The following ESRP2 variants were observed in gnomAD, a reference collection of about 807,000 sequenced individuals.
ESRP2 encodes the protein RNA binding motif protein 35A.
ESRP2 carries 48 observed loss-of-function variants against 78.6 expected under a neutral mutation model. The ratio of observed to expected loss-of-function variants is 0.61; its 90% confidence interval spans 0.48 to 0.78. The LOEUF is 0.78. ESRP2 is among the 30% of genes least tolerant of loss of function. The pLI is 0.00. For synonymous variants in ESRP2, 383 were observed against 406.7 expected (o/e 0.94, Z 0.70); for missense variants, 863 against 965.9 (o/e 0.89, Z 1.41).
At position 68,236,088 on chromosome 16, in the gene ESRP2, C is replaced by G. The variant is rs1183630643; in HGVS notation, c.-43G>C. 2 of 1,389,406 alleles carry G rather than the reference C, an allele frequency of 1.4e-6. No homozygotes were observed. Among genetic ancestry groups the G allele is most frequent in the East Asian group, 5.9e-5 (2 of 34,164 alleles). 86.1% of individuals were successfully genotyped at this position (1,389,406 alleles called of 1,614,324 possible). A position where few individuals can be genotyped will look rare whatever the true frequency, so the allele number is the denominator to read the frequency against. On this transcript the variant is annotated 5_prime_UTR_variant, in exon 1 of 15. Transcript: ENST00000473183. The surrounding 1 kb of genome is among the most constrained non-coding windows in gnomAD (Gnocchi z 5.2). The stretch of plus-strand genomic sequence containing the variant: ...GCTCTCGGCCAGACACGCGGACCGA[C>G]GAGGCGCACGCACGCACCGACCGAC...
Position 68,235,418 on chromosome 16 carries a change from T to G in ESRP2, c.327+216A>C, listed in dbSNP as rs1443672772. ...GATCCCTTCGGTAGGAGTAGGTTCC[T>G]GCAATGGTTGAAAAGTAAGGAGCCC... is the stretch of plus-strand genomic sequence containing the variant. On this transcript the variant is annotated intron_variant, in intron 2 of 14. Coordinates refer to ENST00000473183, the MANE Select transcript of ESRP2 (RefSeq NM_024939.3). This position sits in a 1 kb window ranked among gnomAD's most constrained non-coding sequence, Gnocchi z 5.5. 1.0e-6 allele frequency: 1 copy of G among 985,314 alleles called. No homozygotes were observed. The highest frequency in any genetic ancestry group is 1.2e-6 in the Non-Finnish European group (1 of 829,940). The allele number at this position is 985,314 out of a possible 1,614,324, so 61.0% of individuals were successfully genotyped here.
chr16:68,233,237 C>T (rs1379221227), intron 5 of ESRP2, 90 bp downstream of exon 5: 2 of 876,904 alleles, frequency 2.3e-6, no homozygotes, highest in African/African-American at 1.7e-5. Flanking sequence ...AGGATTCCCC[C>T]GTGGTCTCTT....
Position 68,231,676 on chromosome 16 carries a change from A to G in ESRP2, c.1318T>C (p.Ser440Pro). The G allele has an allele frequency of 6.2e-7, 1 of 1,609,904 alleles. No individual in the cohort carries two copies. Among genetic ancestry groups the G allele is most frequent in the East Asian group, 2.2e-5 (1 of 44,804 alleles). Residue 440 changes from serine (S) to proline (P), a missense_variant, in exon 11 of 15, where the codon TCC becomes CCC. Transcript: ENST00000473183. This position sits in a 1 kb window ranked among gnomAD's most constrained non-coding sequence, Gnocchi z 6.0. ...EVQQVLNRYA[S>P]GPLLPTLTAP... ...GTCAGTGTAGGAAGGAGTGGGCCGG[A>G]TGCATAGCGGTTCAAGACCTAGTAA... is the stretch of plus-strand genomic sequence containing the variant.
chr16:68,232,041 C>A lies in ESRP2; in HGVS notation c.1060G>T (p.Gly354Ter). 1 of 1,614,038 alleles carries A rather than the reference C, an allele frequency of 6.2e-7. No homozygotes were observed. Residue 354 changes from glycine (G) to a stop codon, truncating the protein, a stop_gained, in exon 10 of 15, where the codon GGA becomes TGA. Transcript: ENST00000473183. LOFTEE classifies it high-confidence loss of function. The surrounding 1 kb of genome is among the most constrained non-coding windows in gnomAD (Gnocchi z 5.2). ...REDQVILRLR[G>*]LPFSAGPTDV... ...GTTGGCCCAGCCGAGAAGGGCAGTCCCCGCAGCCGCAGGATCACTTGGTCT... is the reference window on the plus strand; with the variant it reads ...GTTGGCCCAGCCGAGAAGGGCAGTCACCGCAGCCGCAGGATCACTTGGTCT...
chr16:68,233,597 AC>A lies in ESRP2; in HGVS notation c.556+170del, dbSNP rs2042177869. The A allele has an allele frequency of 5.5e-6, 4 of 722,384 alleles. No individual in the cohort carries two copies. In the South Asian group the frequency reaches 6.6e-5, roughly 12 times the overall value. 44.7% of individuals were successfully genotyped at this position (722,384 alleles called of 1,614,324 possible). On this transcript the variant is annotated intron_variant, in intron 4 of 14. Transcript: ENST00000473183. Reference sequence around the variant, plus strand: ...CCAGTCCAGACATAGACAGACACATACCCACATTCCAAACTCATCCTAGCAC... The same window carrying A: ...CCAGTCCAGACATAGACAGACACATACCACATTCCAAACTCATCCTAGCAC...
Position 68,229,896 on chromosome 16 carries a change from G to A in ESRP2, c.*330C>T. 1 of 352,718 alleles carries A rather than the reference G, an allele frequency of 2.8e-6. No homozygotes were observed. Among genetic ancestry groups the A allele is most frequent in the South Asian group, 4.7e-5 (1 of 21,418 alleles). 21.8% of individuals were successfully genotyped at this position (352,718 alleles called of 1,614,324 possible). On this transcript the variant is annotated 3_prime_UTR_variant, in exon 15 of 15. Transcript: ENST00000473183. ...AAGAAAGCAAGCCTGCCGTGGACCT[G>A]TCAGCCCCACGATATCTGTCGGCAT... is the stretch of plus-strand genomic sequence containing the variant.
At position 68,229,885 on chromosome 16, in the gene ESRP2, GC is replaced by G; in HGVS notation, c.*340del. 3.1e-6 allele frequency: 1 copy of G among 320,740 alleles called. No individual in the cohort carries two copies. The highest frequency in any genetic ancestry group is 5.9e-6 in the Non-Finnish European group (1 of 168,396). The allele number at this position is 320,740 out of a possible 1,614,324, so 19.9% of individuals were successfully genotyped here. ...CCATTTTATAAAAGAAAGCAAGCCT[GC>G]CGTGGACCTGTCAGCCCCACGATAT... On this transcript the variant is annotated 3_prime_UTR_variant, in exon 15 of 15. Transcript: ENST00000473183.
chr16:68,231,220 A>T lies in ESRP2; in HGVS notation c.1669T>A (p.Leu557Met). 1.2e-6 allele frequency: 2 copies of T among 1,613,830 alleles called. No individual in the cohort carries two copies. The highest frequency in any genetic ancestry group is 1.7e-6 in the Non-Finnish European group (2 of 1,179,954). ...GGAGGGGACATGCCACTGCGGCCCA[A>T]GGTGCCCCCCATCAGCACTCGGCTC... ...EMSRVLMGGT[L>M]GRSGMSPPPC... The change falls in exon 12 of 15, where the codon TTG (leucine) becomes ATG (methionine). Residue 557 changes from leucine to methionine, a missense_variant. By Grantham distance (15) the Leu-to-Met change is conservative (BLOSUM62 2). Coordinates refer to ENST00000473183, the MANE Select transcript of ESRP2 (RefSeq NM_024939.3). This position sits in a 1 kb window ranked among gnomAD's most constrained non-coding sequence, Gnocchi z 6.0.
At chr16:68,234,180 A>C in intron 2 of ESRP2, 73 bp from the exon 3 acceptor site, 1 of 1,193,620 alleles carries the variant, frequency 8.4e-7, no homozygotes, top group South Asian at 1.4e-5. Context: ...GGGTAGGAGG[A>C]AGGAGGCAGG....
In ESRP2 at chr16:68,230,985, G is replaced by A. The variant is rs748358961; in HGVS notation, c.1754C>T (p.Thr585Met). 24 of 1,603,128 alleles carry A rather than the reference G, an allele frequency of 1.5e-5. No homozygotes were observed. The highest frequency in any genetic ancestry group is 4.5e-5 in the East Asian group (2 of 44,844). Residue 585 changes from threonine (T) to methionine (M), a missense_variant, in exon 13 of 15, where the codon ACG becomes ATG. Thr to Met is a moderately conservative substitution (Grantham distance 81). Coordinates refer to ENST00000473183, the MANE Select transcript of ESRP2 (RefSeq NM_024939.3). ...PTYTTFQATP[T>M]LIPTETAALY... The stretch of plus-strand genomic sequence containing the variant: ...AGCTGCCGTCTCCGTGGGAATGAGC[G>A]TTGGGGTGGCTTGGAAGGTGGTGTA...
Position 68,230,397 on chromosome 16 carries a change from C to T in ESRP2, c.2056G>A (p.Ala686Thr). 9 of 1,613,814 alleles carry T rather than the reference C, an allele frequency of 5.6e-6. No individual in the cohort carries two copies. The highest frequency in any genetic ancestry group is 7.6e-6 in the Non-Finnish European group (9 of 1,179,772). ...CGGCCACACAATCTCACCTGGTAGG[C>T]CTGGAAGACGCTGAGCAGATCCTTC... ...GMKDLLSVFQ[A>T]YQLPADDYTS... is the part of the protein sequence containing the mutation. Residue 686 changes from alanine to threonine, a missense_variant, in exon 14 of 15, where the codon GCC becomes ACC. Transcript: ENST00000473183.
rs537636983 is a variant in ESRP2, at chr16:68,232,570, C to T, written c.821+7G>A. The T allele has an allele frequency of 1.2e-6, 2 of 1,614,082 alleles. No homozygotes were observed. The highest frequency in any genetic ancestry group is 1.7e-5 in the Admixed American group (1 of 60,008). On this transcript the variant is annotated splice_region_variant and intron_variant, in intron 7 of 14. Transcript: ENST00000473183. This position sits in a 1 kb window ranked among gnomAD's most constrained non-coding sequence, Gnocchi z 5.2. The stretch of plus-strand genomic sequence containing the variant: ...CCAATTGGGCCCACCCACCCTGCCA[C>T]ACCCACCTGGCCACGTTGAGCCCTT...
chr16:68,230,820 ATT>A lies in ESRP2; in HGVS notation c.1898+19_1898+20del, dbSNP rs1182010871. On this transcript the variant is annotated intron_variant, in intron 13 of 14. Transcript: ENST00000473183. ...TTGGGACAGGGAGTGGGACTGTGAT[ATT>A]CTCTTAGCTGCAGGGTACCTTGGGT... 3 of 1,613,560 alleles carry A rather than the reference ATT, an allele frequency of 1.9e-6. No individual in the cohort carries two copies. Among genetic ancestry groups the A allele is most frequent in the Non-Finnish European group, 2.5e-6 (3 of 1,179,760 alleles).
At chr16:68,230,653 G>T in intron 13 of ESRP2, 99 bp from the exon 14 acceptor site, 1 of 1,454,758 alleles carries the variant, frequency 6.9e-7, no homozygotes, top group Non-Finnish European at 9.2e-7. Flanking sequence ...GCTTAATTCA[G>T]TTCCTCCCTG....
At position 68,230,154 on chromosome 16, in the gene ESRP2, C is replaced by T; in HGVS notation, c.*72G>A. 7.0e-7 allele frequency: 1 copy of T among 1,427,374 alleles called. No individual in the cohort carries two copies. The highest frequency in any genetic ancestry group is 9.9e-7 in the Non-Finnish European group (1 of 1,011,342). The allele number at this position is 1,427,374 out of a possible 1,614,324, so 88.4% of individuals were successfully genotyped here. A position where few individuals can be genotyped will look rare whatever the true frequency, so the allele number is the denominator to read the frequency against. ...GAAAGAAGCTACCAGGTTGAGGGTG[C>T]TGGTCTTCTGGACTCAGGAGAGACA... On this transcript the variant is annotated 3_prime_UTR_variant, in exon 15 of 15. Coordinates refer to ENST00000473183, the MANE Select transcript of ESRP2 (RefSeq NM_024939.3).
chr16:68,229,985 A>T lies in ESRP2; in HGVS notation c.*241T>A, dbSNP rs1040351898. On this transcript the variant is annotated 3_prime_UTR_variant, in exon 15 of 15. Coordinates refer to ENST00000473183, the MANE Select transcript of ESRP2 (RefSeq NM_024939.3). ...CCAGTCAAGATGCCTGGCTCAGGCC[A>T]TCAGGAGCTGGTTAGCCCCATTCCA... is the stretch of plus-strand genomic sequence containing the variant. 7.2e-6 allele frequency: 4 copies of T among 557,226 alleles called. No individual in the cohort carries two copies. Among genetic ancestry groups the T allele is most frequent in the Non-Finnish European group, 9.7e-6 (3 of 310,774 alleles). 34.5% of individuals were successfully genotyped at this position (557,226 alleles called of 1,614,324 possible).
At position 68,233,633 on chromosome 16, in the gene ESRP2, G is replaced by T. The variant is rs1966594646; in HGVS notation, c.556+135C>A. 3.9e-6 allele frequency: 3 copies of T among 761,150 alleles called. No homozygotes were observed. In the Admixed American group the frequency reaches 6.1e-5, roughly 16 times the overall value. The allele number at this position is 761,150 out of a possible 1,614,324, so 47.1% of individuals were successfully genotyped here. A position where few individuals can be genotyped will look rare whatever the true frequency, so the allele number is the denominator to read the frequency against. On this transcript the variant is annotated intron_variant, in intron 4 of 14. Coordinates refer to ENST00000473183, the MANE Select transcript of ESRP2 (RefSeq NM_024939.3). ...AAACTCATCCTAGCACAGACACGAA[G>T]ACACAGTACACTCAGGGACTTAGCA... is the stretch of plus-strand genomic sequence containing the variant.
In ESRP2 at chr16:68,236,123, G is replaced by C; in HGVS notation, c.-78C>G. 1.5e-6 allele frequency: 2 copies of C among 1,343,630 alleles called. No individual in the cohort carries two copies. The highest frequency in any genetic ancestry group is 9.5e-7 in the Non-Finnish European group (1 of 1,054,734). The allele number at this position is 1,343,630 out of a possible 1,614,324, so 83.2% of individuals were successfully genotyped here. The stretch of plus-strand genomic sequence containing the variant: ...GCACGCACCGACCGACCGCAGACGC[G>C]GATCAGCTTGGGCGGGACACCGTGT... On this transcript the variant is annotated 5_prime_UTR_variant, in exon 1 of 15. Coordinates refer to ENST00000473183, the MANE Select transcript of ESRP2 (RefSeq NM_024939.3). The surrounding 1 kb of genome is among the most constrained non-coding windows in gnomAD (Gnocchi z 5.2).
intron 4 of ESRP2, 133 bp from the exon 5 acceptor site, chr16:68,233,558 G>T: frequency 2.6e-6 from 2 of 781,850 alleles, no homozygotes; most frequent in East Asian, 5.1e-5. Context: ...GTTCATGTGT[G>T]CACATACAGA....
Sources: allele counts gnomAD v4.1 joint callset, GRCh38; gene constraint gnomAD v4.1.1; non-coding constraint Gnocchi (gnomAD v3.1); transcripts MANE v1.5; gene names NCBI Gene and HGNC (gene_info 2026-07-23, HGNC 2026-07-21).